The following PPP1R37 variants were observed in gnomAD, a reference collection of about 807,000 sequenced individuals.
The protein encoded by PPP1R37 is protein phosphatase 1 regulatory subunit 37.
In PPP1R37, 21 loss-of-function variants were observed where a neutral mutation model predicts 61.0. The observed-to-expected ratio is 0.34, with a 90% confidence interval of 0.24 to 0.50. The LOEUF (loss-of-function observed/expected upper bound fraction) is 0.50. Among genes scored for constraint, PPP1R37 ranks in the 20% least tolerant of loss-of-function variants. The pLI, the probability that PPP1R37 is intolerant of heterozygous loss-of-function variation, is 0.98. For missense variants in PPP1R37, 910 were observed against 952.7 expected (o/e 0.96, Z 0.59); for synonymous variants, 443 against 433.5 (o/e 1.02, Z -0.27).
chr19:45,139,739 C>CTGCAG (rs1435251695), intron 2 of PPP1R37, among the ~76,000 whole-genome samples: 1 of 152,234 alleles, frequency 6.6e-6, no homozygotes, highest in Non-Finnish European at 1.5e-5. Flanking sequence ...CAGACCAGCC[C>CTGCAG]TGCAGCACCC....
At chr19:45,131,144 T>G (rs1330760683) in intron 1 of PPP1R37, among the ~76,000 whole-genome samples, 1 of 152,212 alleles carries the variant, frequency 6.6e-6, no homozygotes, top group African/African-American at 2.4e-5. Context: ...GGCGTCAGGT[T>G]TCTCTCTGTC....
chr19:45,108,366 C>T (rs184035677), intron 1 of PPP1R37, among the ~76,000 whole-genome samples: 52 of 152,032 alleles, frequency 3.4e-4, no homozygotes, highest in African/African-American at 1.2e-3. Flanking sequence ...CGCACCACCA[C>T]GCCCGGCTAA....
intron 7 of PPP1R37, 93 bp downstream of exon 7, chr19:45,142,551 C>T: frequency 7.8e-7 from 1 of 1,290,250 alleles, no homozygotes; most frequent in Non-Finnish European, 1.1e-6. Context: ...CAGACATGGC[C>T]AAGACCACCC....
chr19:45,145,098 G>T lies in PPP1R37; in HGVS notation c.1134G>T (p.Ala378=), dbSNP rs918330356. 2 of 1,531,926 alleles carry T rather than the reference G, an allele frequency of 1.3e-6. No individual in the cohort carries two copies. Among genetic ancestry groups the T allele is most frequent in the East Asian group, 2.5e-5 (1 of 40,494 alleles). 94.9% of individuals were successfully genotyped at this position (1,531,926 alleles called of 1,614,324 possible). ...GCCCCTGCGGTGCCCCCCCAGGCGC[G>T]GTGGCGGTGGCGGAGTTCATCGCTG... The part of the protein sequence containing the change: ...LASTKLTCEG[A]VAVAEFIAES... The change falls in exon 10 of 13, where the codon GCG becomes GCT. Residue 378 remains alanine, a synonymous_variant. Coordinates refer to ENST00000221462, the MANE Select transcript of PPP1R37 (RefSeq NM_019121.2).
At chr19:45,110,951 T>G (rs1432833839) in intron 1 of PPP1R37, among the ~76,000 whole-genome samples, 1 of 152,188 alleles carries the variant, frequency 6.6e-6, no homozygotes, top group African/African-American at 2.4e-5. Flanking sequence ...ACTGAATGTC[T>G]ACCGATGAGT....
chr19:45,134,850 G>A (rs1968519473), intron 1 of PPP1R37, among the ~76,000 whole-genome samples: 1 of 152,168 alleles, frequency 6.6e-6, no homozygotes, highest in African/African-American at 2.4e-5. Context: ...TCCAGACCCT[G>A]TAGGTGCCCA....
Position 45,141,358 on chromosome 19 carries a change from G to T in PPP1R37, c.484G>T (p.Glu162Ter). The change falls in exon 5 of 13, where the codon GAG becomes TAG. Residue 162 changes from glutamate to a stop codon, truncating the protein, a stop_gained. Coordinates refer to ENST00000221462, the MANE Select transcript of PPP1R37 (RefSeq NM_019121.2). LOFTEE classifies it high-confidence loss of function. Reference sequence around the variant, plus strand: ...CCTCTTCGACATGATCGAGTACTACGAGTCGGCCACCCACCTCAACATCTC... The same window carrying T: ...CCTCTTCGACATGATCGAGTACTACTAGTCGGCCACCCACCTCAACATCTC... ...SALFDMIEYY[E>*]SATHLNISFN... 1 of 1,536,004 alleles carries T rather than the reference G, an allele frequency of 6.5e-7. No homozygotes were observed. The highest frequency in any genetic ancestry group is 8.7e-7 in the Non-Finnish European group (1 of 1,146,822).
intron 1 of PPP1R37, among the ~76,000 whole-genome samples, chr19:45,129,572 C>T (rs2122739801): frequency 6.6e-6 from 1 of 152,296 alleles, no homozygotes; most frequent in African/African-American, 2.4e-5. Context: ...GCTGGGATTA[C>T]AGGTGTGAGC....
chr19:45,117,039 A>G (rs1302982761), intron 1 of PPP1R37, among the ~76,000 whole-genome samples: 1 of 151,522 alleles, frequency 6.6e-6, no homozygotes, highest in South Asian at 2.1e-4. Context: ...CAGCCTCCCA[A>G]GTATCTGGGA....
chr19:45,136,775 A>G (rs561364299), intron 1 of PPP1R37: 1 of 152,650 alleles, frequency 6.6e-6, no homozygotes, highest in Non-Finnish European at 1.5e-5. Flanking sequence ...ACCGCCACCC[A>G]GCACAGTGGC....
chr19:45,107,471 G>A (rs931670923), intron 1 of PPP1R37, among the ~76,000 whole-genome samples: 8 of 152,134 alleles, frequency 5.3e-5, no homozygotes, highest in African/African-American at 1.9e-4. Context: ...AAGCCTGGTG[G>A]CTCATGCCTG....
At chr19:45,115,974 CAAA>C (rs35020667) in intron 1 of PPP1R37, among the ~76,000 whole-genome samples, 1 of 128,264 alleles carries the variant, frequency 7.8e-6, no homozygotes. Context: ...GACTCTGTCT[CAAA>C]AAAAAAAAAA....
intron 1 of PPP1R37, among the ~76,000 whole-genome samples, chr19:45,112,180 G>A (rs1968209869): frequency 7.5e-6 from 1 of 134,130 alleles, no homozygotes; most frequent in African/African-American, 2.8e-5. Context: ...CACCATGTCT[G>A]TCAGGCTGGT....
rs1455585685 is a variant in PPP1R37, at chr19:45,140,502, C to T, written c.347-4C>T. 2 of 1,532,218 alleles carry T rather than the reference C, an allele frequency of 1.3e-6. No homozygotes were observed. The highest frequency in any genetic ancestry group is 1.4e-5 in the African/African-American group (1 of 72,968). The allele number at this position is 1,532,218 out of a possible 1,614,324, so 94.9% of individuals were successfully genotyped here. ...ACATGCGCACGGCTGCTGTCTCCCCCCAGGTGAGAAGCTTGACTACAAGAC... is the reference window on the plus strand; with the variant it reads ...ACATGCGCACGGCTGCTGTCTCCCCTCAGGTGAGAAGCTTGACTACAAGAC... On this transcript the variant is annotated splice_region_variant and splice_polypyrimidine_tract_variant and intron_variant, in intron 3 of 12. Transcript: ENST00000221462.
chr19:45,098,169 A>G (rs1599686676), intron 1 of PPP1R37, among the ~76,000 whole-genome samples: 2 of 152,286 alleles, frequency 1.3e-5, no homozygotes, highest in Middle Eastern at 6.8e-3. Context: ...ATCGTGAGTG[A>G]AAGAGGCCGC....
chr19:45,141,468 A>G, intron 5 of PPP1R37, 27 bp downstream of exon 5: 1 of 754,516 alleles, frequency 1.3e-6, no homozygotes, highest in East Asian at 3.2e-5. Flanking sequence ...TTCCAGGAAG[A>G]GGCAGCTCAG....
intron 1 of PPP1R37, among the ~76,000 whole-genome samples, chr19:45,094,652 C>G (rs536090860): frequency 2.6e-5 from 4 of 151,612 alleles, no homozygotes; most frequent in Admixed American, 6.6e-5. Context: ...CGTTTGAACC[C>G]GGGAGGTGGA....
At chr19:45,101,711 C>T (rs1268257405) in intron 1 of PPP1R37, among the ~76,000 whole-genome samples, 1 of 112,926 alleles carries the variant, frequency 8.9e-6, no homozygotes, top group East Asian at 2.0e-4. Flanking sequence ...GAGTGAGACC[C>T]TGTCTCAAAA....
intron 1 of PPP1R37, among the ~76,000 whole-genome samples, chr19:45,107,277 C>T (rs1353206980): frequency 6.6e-6 from 1 of 151,900 alleles, no homozygotes; most frequent in Non-Finnish European, 1.5e-5. Context: ...CGCGACCAGC[C>T]TGGGCAACAT....
Sources: gnomAD v4.1 joint callset for allele counts (sites outside exome capture counted in the v4.1 genomes callset) on GRCh38, gnomAD v4.1.1 for gene constraint, MANE v1.5 for transcripts, NCBI Gene and HGNC (gene_info 2026-07-23, HGNC 2026-07-21) for gene names.